DYNLRB2: variants seen among roughly 807,000 people sequenced by gnomAD.
The protein encoded by DYNLRB2 is dynein light chain roadblock-type 2.
DYNLRB2 carries 14 observed loss-of-function variants against 12.6 expected under a neutral mutation model. The ratio of observed to expected loss-of-function variants is 1.11; its 90% CI spans 0.73 to 1.73. The LOEUF (loss-of-function observed/expected upper bound fraction) is 1.73, where lower values mean the gene tolerates loss of function less well. DYNLRB2 is among the 40% of genes most tolerant of loss of function. The probability of loss-of-function intolerance (pLI) is 0.00; values close to 1 mark genes in which losing one functional copy is unlikely to be tolerated. For synonymous variants in DYNLRB2, 53 were observed against 37.0 expected (o/e 1.43, Z -1.57); for missense variants, 142 against 117.7 (o/e 1.21, Z -0.95).
At chr16:80,549,146 A>G (rs1904675467) in intron 2 of DYNLRB2, 1 of 383,610 alleles carries the variant, frequency 2.6e-6, no homozygotes, top group Non-Finnish European at 5.2e-6. Context: ...AAATGACCAA[A>G]CAATAGGAGA....
intron 2 of DYNLRB2, among the ~76,000 whole-genome samples, chr16:80,548,558 C>A (rs1904625259): frequency 6.6e-6 from 1 of 152,028 alleles, no homozygotes; most frequent in Non-Finnish European, 1.5e-5. Context: ...CCTGTCTCTA[C>A]TAAAAATACA....
chr16:80,550,475 T>G (rs1042022436), intron 3 of DYNLRB2, 40 bp from the exon 4 acceptor site: 53 of 1,611,164 alleles, frequency 3.3e-5, no homozygotes, highest in Non-Finnish European at 4.2e-5. Flanking sequence ...TTGATTAAAT[T>G]TAAATTAAGG....
chr16:80,541,096 C>A lies in DYNLRB2; in HGVS notation c.3+17C>A. On this transcript the variant is annotated intron_variant, in intron 1 of 3. Transcript: ENST00000305904. ...TCCGCGATGGTAAATCTGGGGTCTC[C>A]GTCCACGCCCCGCCGTTCCAAGCAC... 2 of 1,599,152 alleles carry A rather than the reference C, an allele frequency of 1.3e-6. No individual in the cohort carries two copies. Among genetic ancestry groups the A allele is most frequent in the Non-Finnish European group, 1.7e-6 (2 of 1,171,138 alleles).
chr16:80,540,968 C>T, upstream of DYNLRB2: 1 of 1,565,196 alleles, frequency 6.4e-7, no homozygotes, highest in Non-Finnish European at 8.7e-7. Flanking sequence ...AGCCCTGACG[C>T]TTCCGTGGGG....
At chr16:80,541,262 C>G (rs539469878) in intron 1 of DYNLRB2, 183 bp downstream of exon 1, 26 of 950,204 alleles carry the variant, frequency 2.7e-5, no homozygotes, top group Non-Finnish European at 3.3e-5. Flanking sequence ...AAGAAGATGT[C>G]TAGATGACTG....
upstream of DYNLRB2, chr16:80,540,938 A>G: frequency 6.7e-7 from 1 of 1,493,240 alleles, no homozygotes. Context: ...GAAAAAGCCG[A>G]CTCGCGAGCG....
At chr16:80,550,449 C>T (rs530781826) in intron 3 of DYNLRB2, 66 bp from the exon 4 acceptor site, 284 of 1,584,196 alleles carry the variant, frequency 1.8e-4, no homozygotes, top group Admixed American at 5.2e-4. Context: ...AAAAAGAAGA[C>T]TAGTTGAAAT....
At chr16:80,542,769 C>T (rs1450933465) in intron 1 of DYNLRB2, among the ~76,000 whole-genome samples, 1 of 152,158 alleles carries the variant, frequency 6.6e-6, no homozygotes, top group Non-Finnish European at 1.5e-5. Context: ...TATAGACTAT[C>T]CTTTAAATTT....
chr16:80,542,408 T>A (rs1236688210), intron 1 of DYNLRB2, among the ~76,000 whole-genome samples: 4 of 152,188 alleles, frequency 2.6e-5, no homozygotes, highest in Non-Finnish European at 5.9e-5. Flanking sequence ...TAAGTGCTCC[T>A]GCCCATACCA....
At chr16:80,548,326 T>C (rs1394510141) in intron 2 of DYNLRB2, 1 of 157,114 alleles carries the variant, frequency 6.4e-6, no homozygotes, top group African/African-American at 2.4e-5. Flanking sequence ...TAATGCTGGG[T>C]GTTCCAAGTT....
At chr16:80,548,043 A>G in intron 2 of DYNLRB2, 1 of 320,078 alleles carries the variant, frequency 3.1e-6, no homozygotes, top group South Asian at 2.6e-5. Flanking sequence ...CATTCTTGAA[A>G]GCGCTTGTCT....
intron 3 of DYNLRB2, among the ~76,000 whole-genome samples, chr16:80,550,073 C>T (rs983886244): frequency 6.6e-6 from 1 of 152,190 alleles, no homozygotes; most frequent in Non-Finnish European, 1.5e-5. Context: ...ACATCAGCCA[C>T]AGAAACACTC....
chr16:80,542,061 T>C (rs1027261458), intron 1 of DYNLRB2, among the ~76,000 whole-genome samples: 2 of 152,192 alleles, frequency 1.3e-5, no homozygotes, highest in Admixed American at 1.3e-4. Context: ...AATACCACTG[T>C]CATTTGGAAA....
At chr16:80,547,240 G>A (rs1012699111) in intron 2 of DYNLRB2, among the ~76,000 whole-genome samples, 3 of 152,204 alleles carry the variant, frequency 2.0e-5, no homozygotes, top group South Asian at 2.1e-4. Context: ...AATAGACAAT[G>A]GTATCATTAA....
At chr16:80,541,271 T>G (rs1036152550) in intron 1 of DYNLRB2, 192 bp downstream of exon 1, 5 of 950,228 alleles carry the variant, frequency 5.3e-6, no homozygotes, top group Middle Eastern at 1.1e-3. Flanking sequence ...TCTAGATGAC[T>G]GGAAGCTGTT....
chr16:80,540,805 T>G (rs1263662967), upstream of DYNLRB2: 5 of 707,072 alleles, frequency 7.1e-6, no homozygotes, highest in African/African-American at 8.7e-5. Context: ...CCTGACCCAC[T>G]TCCCTCTTCC....
intron 2 of DYNLRB2, 98 bp from the exon 3 acceptor site, chr16:80,549,386 T>C (rs1904691464): frequency 1.6e-6 from 2 of 1,242,102 alleles, no homozygotes; most frequent in African/African-American, 3.0e-5. Flanking sequence ...CACTTTTTTC[T>C]CTTCTTTACA....
chr16:80,542,089 G>A (rs1369657926), intron 1 of DYNLRB2, among the ~76,000 whole-genome samples: 2 of 152,026 alleles, frequency 1.3e-5, no homozygotes, highest in Admixed American at 6.6e-5. Context: ...TTTTTCATCC[G>A]AAGAGCAGGC....
At chr16:80,548,062 C>T (rs901025937) in intron 2 of DYNLRB2, 4 of 291,822 alleles carry the variant, frequency 1.4e-5, no homozygotes, top group Non-Finnish European at 2.7e-5. Context: ...CTCGTTTAAT[C>T]GTTTCTGGAC....
Sources: allele counts gnomAD v4.1 joint callset (sites outside exome capture counted in the v4.1 genomes callset), GRCh38; gene constraint gnomAD v4.1.1; transcripts MANE v1.5; gene names NCBI Gene and HGNC (gene_info 2026-07-23, HGNC 2026-07-21).